The following NEK5 variants were observed in gnomAD, a reference collection of about 807,000 sequenced individuals.
NEK5 encodes serine/threonine-protein kinase Nek5.
NEK5 carries 88 observed loss-of-function variants against 109.2 expected under a neutral mutation model. The observed-to-expected ratio is 0.81, with a 90% CI of 0.68 to 0.96. The LOEUF (loss-of-function observed/expected upper bound fraction) is 0.96. Ranked by LOEUF, NEK5 falls within the 40% of genes least tolerant of loss-of-function variation. The pLI is 0.00. For synonymous variants in NEK5, 283 were observed against 299.9 expected (o/e 0.94, Z 0.58); for missense variants, 834 against 920.7 (o/e 0.91, Z 1.22).
chr13:52,037,132 G>GT lies in NEK5; in HGVS notation c.2314dup (p.Thr772AsnfsTer9). The stretch of plus-strand genomic sequence containing the variant: ...CTTAGAGGTACTGGAGGCCTCTTCT[G>GT]TTTTTTCTTCCCCTTTGAAAGTAGC... On this transcript the variant is annotated frameshift_variant, in exon 24 of 24. Coordinates refer to ENST00000684899, the MANE Select transcript of NEK5 (RefSeq NM_001365552.1). LOFTEE classifies it high-confidence loss of function. 3.0e-6 allele frequency: 3 copies of GT among 985,200 alleles called. No individual in the cohort carries two copies. The highest frequency in any genetic ancestry group is 3.6e-6 in the Non-Finnish European group (3 of 829,810). The allele number at this position is 985,200 out of a possible 1,614,324, so 61.0% of individuals were successfully genotyped here. A position where few individuals can be genotyped will look rare whatever the true frequency, so the allele number is the denominator to read the frequency against.
At chr13:52,077,431 C>G (rs1054111579) in intron 17 of NEK5, among the ~76,000 whole-genome samples, 1 of 152,192 alleles carries the variant, frequency 6.6e-6, no homozygotes, top group South Asian at 2.1e-4. Context: ...ACTGCCCCAG[C>G]CTCCTGTCTT....
At chr13:52,077,007 G>A (rs1377170320) in intron 17 of NEK5, among the ~76,000 whole-genome samples, 2 of 152,352 alleles carry the variant, frequency 1.3e-5, no homozygotes, top group South Asian at 2.1e-4. Flanking sequence ...AGGATAACAG[G>A]ACAGAAAATG....
At chr13:52,040,081 CTTTTTT>C (rs59617490) in intron 23 of NEK5, among the ~76,000 whole-genome samples, 3 of 120,370 alleles carry the variant, frequency 2.5e-5, no homozygotes, top group Admixed American at 8.7e-5. Context: ...TCTACTGGCA[CTTTTTT>C]TTTTTTTTTT....
chr13:52,073,583 G>A (rs1954816441), intron 19 of NEK5, among the ~76,000 whole-genome samples: 1 of 151,948 alleles, frequency 6.6e-6, no homozygotes, highest in African/African-American at 2.4e-5. Context: ...CCAAAGTGCT[G>A]GGATTACAGC....
At position 52,083,272 on chromosome 13, in the gene NEK5, T is replaced by G; in HGVS notation, c.1560A>C (p.Glu520Asp). 2 of 1,609,554 alleles carry G rather than the reference T, an allele frequency of 1.2e-6. No individual in the cohort carries two copies. Among genetic ancestry groups the G allele is most frequent in the Non-Finnish European group, 1.7e-6 (2 of 1,175,824 alleles). The change falls in exon 17 of 24, where the codon GAA becomes GAC. Residue 520 changes from glutamate to aspartate, a missense_variant. This residue lies in a region of NEK5 where 777 missense variants were observed against 824.7 expected (regional missense o/e 0.94). Transcript: ENST00000684899. ...TAGCCATCATTACCTGCACAGGTGC[T>G]TCTCCCTCAGATGCATCTTGATGGA... ...LPVHQDASEG[E>D]APVQDIEKDL...
intron 17 of NEK5, among the ~76,000 whole-genome samples, chr13:52,080,059 C>CCTGGCAG (rs1403453860): frequency 2.0e-5 from 3 of 151,606 alleles, no homozygotes; most frequent in African/African-American, 4.8e-5. Context: ...AGCCCCTCCG[C>CCTGGCAG]CCGGCAGCCG....
chr13:52,081,642 C>T (rs1033319301), intron 17 of NEK5, among the ~76,000 whole-genome samples: 2 of 152,212 alleles, frequency 1.3e-5, no homozygotes, highest in African/African-American at 4.8e-5. Context: ...TCACACCAAT[C>T]CAGATACCAC....
At chr13:52,084,660 C>G (rs1955081420) in intron 16 of NEK5, among the ~76,000 whole-genome samples, 4 of 151,712 alleles carry the variant, frequency 2.6e-5, no homozygotes, top group African/African-American at 4.9e-5. Flanking sequence ...GCTTTAGCCT[C>G]CCAAGTAGCT....
chr13:52,060,042 G>A (rs1954598101), intron 22 of NEK5, among the ~76,000 whole-genome samples: 1 of 151,814 alleles, frequency 6.6e-6, no homozygotes, highest in Non-Finnish European at 1.5e-5. Flanking sequence ...AAATCCTTTT[G>A]GTAACTTTTT....
Position 52,086,330 on chromosome 13 carries a change from G to A in NEK5, c.1426C>T (p.Gln476Ter), listed in dbSNP as rs1294795708. ...ATTTCTTTCATGTCATTGTGGTACT[G>A]TTGGCGTATTTCCTCTAACTGCTTC... ...YWKQLEEIRQ[Q>*]YHNDMKEIRK... Residue 476 changes from glutamine to a stop codon, truncating the protein, a stop_gained, in exon 16 of 24, where the codon CAG (glutamine) becomes TAG (stop). Transcript: ENST00000684899. LOFTEE classifies it high-confidence loss of function. 20 of 1,612,670 alleles carry A rather than the reference G, an allele frequency of 1.2e-5. No individual in the cohort carries two copies. The highest frequency in any genetic ancestry group is 2.7e-5 in the African/African-American group (2 of 74,886).
chr13:52,034,412 T>C lies in NEK5; in HGVS notation c.*2536A>G, dbSNP rs995283537. The C allele has an allele frequency of 3.3e-5, 5 of 152,142 alleles. No individual in the cohort carries two copies. Among genetic ancestry groups the C allele is most frequent in the African/African-American group, 1.2e-4 (5 of 41,402 alleles). The allele number at this position is 152,142 out of a possible 1,614,324, so 9.4% of individuals were successfully genotyped here. A position where few individuals can be genotyped will look rare whatever the true frequency, so the allele number is the denominator to read the frequency against. ...CAGTTTACAGCAAAGAATTCAAAAT[T>C]GTTGAGTAAAGCTTGGTGACTATTA... On this transcript the variant is annotated 3_prime_UTR_variant, in exon 24 of 24. Transcript: ENST00000684899.
chr13:52,074,521 T>C (rs1954833788), intron 19 of NEK5, among the ~76,000 whole-genome samples: 1 of 152,072 alleles, frequency 6.6e-6, no homozygotes, highest in Non-Finnish European at 1.5e-5. Flanking sequence ...CCTTAAACTA[T>C]AAGAATCCTA....
intron 3 of NEK5, 31 bp downstream of exon 3, chr13:52,127,334 GA>G: frequency 8.7e-7 from 1 of 1,148,088 alleles, no homozygotes; most frequent in Non-Finnish European, 1.3e-6. Context: ...ATATCCCACT[GA>G]AAATTAACAG....
intron 23 of NEK5, among the ~76,000 whole-genome samples, chr13:52,038,442 T>C (rs1479495790): frequency 2.0e-5 from 3 of 152,084 alleles, no homozygotes; most frequent in African/African-American, 7.2e-5. Context: ...GACTGAGAAA[T>C]GATTACCTGA....
intron 23 of NEK5, among the ~76,000 whole-genome samples, chr13:52,037,651 C>T (rs900597191): frequency 6.6e-5 from 10 of 152,100 alleles, no homozygotes; most frequent in African/African-American, 1.9e-4. Flanking sequence ...TGGCCGGGCG[C>T]GGTGGCTCAC....
intron 20 of NEK5, among the ~76,000 whole-genome samples, chr13:52,068,790 T>C (rs950642135): frequency 8.9e-4 from 136 of 151,970 alleles, no homozygotes; most frequent in African/African-American, 2.8e-3. Context: ...GCAAACATGG[T>C]GAAACCTCAT....
Position 52,092,908 on chromosome 13 carries a change from C to G in NEK5, c.1208+146G>C, listed in dbSNP as rs1344247062. ...ACAAAAGCAAACAAAAGAAAAAGGT[C>G]AAGGGAACTATGTGTTTAAAATGAA... On this transcript the variant is annotated intron_variant, in intron 13 of 23. Coordinates refer to ENST00000684899, the MANE Select transcript of NEK5 (RefSeq NM_001365552.1). 8.5e-6 allele frequency: 5 copies of G among 590,186 alleles called. No individual in the cohort carries two copies. In the Admixed American group the frequency reaches 1.5e-4, roughly 18 times the overall value. 36.6% of individuals were successfully genotyped at this position (590,186 alleles called of 1,614,324 possible).
intron 22 of NEK5, among the ~76,000 whole-genome samples, chr13:52,056,399 A>G (rs1248610271): frequency 2.1e-3 from 311 of 151,546 alleles, no homozygotes; most frequent in African/African-American, 5.8e-3. Flanking sequence ...GAGACAGAAA[A>G]TCAACAAGGA....
chr13:52,108,247 T>G (rs1955690929), intron 8 of NEK5, 71 bp downstream of exon 8: 5 of 849,128 alleles, frequency 5.9e-6, no homozygotes, highest in Non-Finnish European at 9.7e-6. Flanking sequence ...GAATTTTAGT[T>G]TCTGGAATCT....
Sources: allele counts gnomAD v4.1 joint callset (sites outside exome capture counted in the v4.1 genomes callset), GRCh38; gene constraint gnomAD v4.1.1; regional missense constraint gnomAD v4.1.1; transcripts MANE v1.5; gene names NCBI Gene and HGNC (gene_info 2026-07-23, HGNC 2026-07-21).